ARHGAP15: variants seen among roughly 807,000 people sequenced by gnomAD.
ARHGAP15 encodes Rho GTPase activating protein 15.
Under a neutral mutation model 63.7 loss-of-function variants are expected in ARHGAP15, and 51 were observed. The ratio of observed to expected loss-of-function variants is 0.80; its 90% confidence interval spans 0.64 to 1.01. The LOEUF (loss-of-function observed/expected upper bound fraction) is 1.01. Among genes scored for constraint, ARHGAP15 ranks in the 50% least tolerant of loss-of-function variants. ARHGAP15 has a pLI of 0.00. For missense variants in ARHGAP15, 560 were observed against 564.6 expected, an observed-to-expected ratio of 0.99 and a Z score of 0.08; for synonymous variants, 191 against 193.8, an observed-to-expected ratio of 0.99 and a Z score of 0.12.
chr2:143,488,017 T>C (rs1692403926), intron 9 of ARHGAP15, among the ~76,000 whole-genome samples: 2 of 152,120 alleles, frequency 1.3e-5, no homozygotes, highest in African/African-American at 4.8e-5. Context: ...AAAAACTCAA[T>C]CCAAACTGAA....
chr2:143,694,725 C>T (rs1162443193), intron 12 of ARHGAP15, among the ~76,000 whole-genome samples: 1 of 152,202 alleles, frequency 6.6e-6, no homozygotes, highest in African/African-American at 2.4e-5. Flanking sequence ...CTGCTCTCAG[C>T]GTCACTATGT....
At chr2:143,254,608 AC>A (rs141622218) in intron 6 of ARHGAP15, among the ~76,000 whole-genome samples, 35,619 of 151,852 alleles carry the variant, frequency 0.23, 4,430 homozygotes, top group South Asian at 0.33. Context: ...CCAAGGAGAT[AC>A]CCCCTTATTA....
At chr2:143,559,683 C>CT (rs1695946142) in intron 11 of ARHGAP15, among the ~76,000 whole-genome samples, 1 of 152,184 alleles carries the variant, frequency 6.6e-6, no homozygotes, top group African/African-American at 2.4e-5. Context: ...GACCAGGACT[C>CT]TAATAGTAGA....
intron 8 of ARHGAP15, among the ~76,000 whole-genome samples, chr2:143,479,874 CAA>C (rs5834953): frequency 2.7e-4 from 41 of 149,750 alleles, no homozygotes; most frequent in African/African-American, 5.1e-4. Context: ...ACCTGTGACG[CAA>C]AAAAAAAAAG....
intron 13 of ARHGAP15, among the ~76,000 whole-genome samples, chr2:143,719,069 C>A (rs1022666772): frequency 2.0e-5 from 3 of 152,194 alleles, no homozygotes; most frequent in African/African-American, 4.8e-5. Context: ...TTCAAAGAGA[C>A]AACAAGTAGA....
intron 11 of ARHGAP15, among the ~76,000 whole-genome samples, chr2:143,578,417 A>G (rs576243842): frequency 2.4e-4 from 36 of 152,336 alleles, no homozygotes; most frequent in African/African-American, 7.9e-4. Flanking sequence ...TGAGAGGGCC[A>G]GAATAATGAT....
chr2:143,650,984 C>T (rs559098974), intron 12 of ARHGAP15, among the ~76,000 whole-genome samples: 1 of 152,012 alleles, frequency 6.6e-6, no homozygotes, highest in South Asian at 2.1e-4. Context: ...CTGCAGGAAA[C>T]TCCTGTATCT....
intron 6 of ARHGAP15, among the ~76,000 whole-genome samples, chr2:143,393,895 C>G (rs1402512902): frequency 1.3e-5 from 2 of 152,126 alleles, no homozygotes; most frequent in Non-Finnish European, 2.9e-5. Flanking sequence ...CTGAAAATAT[C>G]TACTCGGCAA....
At chr2:143,757,260 G>A (rs564684408) in intron 13 of ARHGAP15, among the ~76,000 whole-genome samples, 14 of 152,138 alleles carry the variant, frequency 9.2e-5, no homozygotes, top group East Asian at 3.9e-4. Context: ...CTGTAATCCC[G>A]GCACTGTGGG....
chr2:143,267,506 T>C (rs1229859055), intron 6 of ARHGAP15, among the ~76,000 whole-genome samples: 1 of 152,174 alleles, frequency 6.6e-6, no homozygotes, highest in Non-Finnish European at 1.5e-5. Flanking sequence ...CCAAGGCAGA[T>C]GCATAAATTA....
At position 143,247,851 on chromosome 2, in the gene ARHGAP15, A is replaced by T. The variant is rs887210217; in HGVS notation, c.385-2660A>T. Among the ~76,000 whole-genome samples the T allele has an allele frequency of 2.0e-4, 30 of 152,162 alleles. 1 individual carries two copies. Among genetic ancestry groups the T allele is most frequent in the South Asian group, 1.2e-3 (6 of 4,816 alleles). ...AATCACAAAGACTGCTTAACCATTT[A>T]AAAAAAATACAAATCTTAATTGCTA... On this transcript the variant is annotated intron_variant, in intron 5 of 13. Transcript: ENST00000295095.
rs1574386297 is a variant in ARHGAP15, at chr2:143,395,082, C to G, written c.475-40519C>G. Among the ~76,000 whole-genome samples, 4 of 152,018 alleles carry G rather than the reference C, an allele frequency of 2.6e-5. No individual in the cohort carries two copies. In the South Asian group the frequency reaches 8.3e-4, roughly 32 times the overall value. Reference sequence around the variant, plus strand: ...AAACCAAACATAAATAATAAAAATTCAAAGCACATAGATTATAAAACGTGA... The same window carrying G: ...AAACCAAACATAAATAATAAAAATTGAAAGCACATAGATTATAAAACGTGA... On this transcript the variant is annotated intron_variant, in intron 6 of 13. Transcript: ENST00000295095.
At chr2:143,443,354 AT>A (rs1436986203) in intron 8 of ARHGAP15, among the ~76,000 whole-genome samples, 1 of 152,062 alleles carries the variant, frequency 6.6e-6, no homozygotes, top group Non-Finnish European at 1.5e-5. Flanking sequence ...AAGTCGTGAC[AT>A]TTTTGTAGAA....
At chr2:143,149,777 CT>C (rs1374491845) in intron 1 of ARHGAP15, among the ~76,000 whole-genome samples, 1 of 151,890 alleles carries the variant, frequency 6.6e-6, no homozygotes, top group East Asian at 1.9e-4. Context: ...ACATTTTCTT[CT>C]TTGCCAGGCT....
chr2:143,574,267 A>G (rs906135444), intron 11 of ARHGAP15, among the ~76,000 whole-genome samples: 1 of 152,100 alleles, frequency 6.6e-6, no homozygotes, highest in Non-Finnish European at 1.5e-5. Context: ...GATTTCTAAG[A>G]GGTGGCAACC....
chr2:143,172,055 AG>A (rs1278504405), intron 2 of ARHGAP15: 3 of 152,120 alleles, frequency 2.0e-5, no homozygotes, highest in African/African-American at 7.2e-5. Context: ...CAGGCAGGAA[AG>A]AAGACAAGCA....
intron 8 of ARHGAP15, among the ~76,000 whole-genome samples, chr2:143,444,046 C>A (rs998371137): frequency 6.6e-6 from 1 of 152,176 alleles, no homozygotes; most frequent in African/African-American, 2.4e-5. Context: ...TATCTCATAG[C>A]ATCAGCTACT....
In ARHGAP15 at chr2:143,130,574, A is replaced by C. The variant is rs1688880529; in HGVS notation, c.-15+1108A>C. Among the ~76,000 whole-genome samples the C allele has an allele frequency of 2.0e-5, 3 of 152,148 alleles. No homozygotes were observed. The South Asian group carries it at 6.2e-4, about 31-fold the overall frequency. The stretch of plus-strand genomic sequence containing the variant: ...TTTTCTTTTATTGTCTTCTATTGAA[A>C]GACACACATAAATGTTTTTTGACAT... On this transcript the variant is annotated intron_variant, in intron 1 of 13. Coordinates refer to ENST00000295095, the MANE Select transcript of ARHGAP15 (RefSeq NM_018460.4).
intron 13 of ARHGAP15, among the ~76,000 whole-genome samples, chr2:143,739,391 C>T (rs1422045954): frequency 2.6e-5 from 4 of 152,110 alleles, no homozygotes; most frequent in African/African-American, 7.2e-5. Flanking sequence ...ACATACAGCT[C>T]AGTCCTGCTG....
Sources: gnomAD v4.1 joint callset for allele counts (sites outside exome capture counted in the v4.1 genomes callset) on GRCh38, gnomAD v4.1.1 for gene constraint, MANE v1.5 for transcripts, NCBI Gene and HGNC (gene_info 2026-07-23, HGNC 2026-07-21) for gene names.